BTBD9: variants seen among roughly 807,000 people sequenced by gnomAD.
The protein encoded by BTBD9 is BTB domain containing 9.
A neutral mutation model predicts 64.3 loss-of-function variants in BTBD9; 49 were observed. The observed-to-expected ratio is 0.76, with a 90% confidence interval of 0.61 to 0.97. The LOEUF (loss-of-function observed/expected upper bound fraction) is 0.97, where lower values mean the gene tolerates loss of function less well. Among genes scored for constraint, BTBD9 ranks in the 50% least tolerant of loss-of-function variants. The pLI is 0.00. For missense variants in BTBD9, 598 were observed against 762.1 expected (o/e 0.78, Z 2.53); for synonymous variants, 260 against 274.7 (o/e 0.95, Z 0.53).
rs57568036 is a variant in BTBD9 at position 38,374,283 on chromosome 6, G to GTA, written c.1155-29192_1155-29191dup. Among the ~76,000 whole-genome samples, 228 of 45,420 alleles carry GTA rather than the reference G, an allele frequency of 5.0e-3. 23 individuals carry two copies. The East Asian group carries it at 0.08, about 16-fold the overall frequency. The allele number at this position is 45,420 out of a possible 152,430, so 29.8% of individuals were successfully genotyped here. The stretch of plus-strand genomic sequence containing the variant: ...GGCCTTGTGTCGAAAAAAAAAAAAA[G>GTA]TATATATATATATGTATATATATGT... On this transcript the variant is annotated intron_variant, in intron 6 of 10. Transcript: ENST00000481247.
At chr6:38,273,993 A>T (rs1191049172) in intron 8 of BTBD9, among the ~76,000 whole-genome samples, 1 of 152,348 alleles carries the variant, frequency 6.6e-6, no homozygotes, top group East Asian at 1.9e-4. Context: ...TGCTGCAAAC[A>T]GACTAATCTG....
intron 6 of BTBD9, among the ~76,000 whole-genome samples, chr6:38,549,302 A>T (rs1048644181): frequency 6.6e-6 from 1 of 152,206 alleles, no homozygotes; most frequent in African/African-American, 2.4e-5. Flanking sequence ...TAGATAATGG[A>T]TATAAAACAC....
chr6:38,618,568 G>T (rs1194270201), intron 1 of BTBD9, among the ~76,000 whole-genome samples: 1 of 151,948 alleles, frequency 6.6e-6, no homozygotes, highest in Non-Finnish European at 1.5e-5. Context: ...AATCATCAAG[G>T]GACCACAAAA....
chr6:38,184,749 C>T lies in BTBD9; in HGVS notation c.1641+7770G>A, dbSNP rs532189616. Among the ~76,000 whole-genome samples the T allele has an allele frequency of 1.3e-5, 2 of 152,246 alleles. No individual in the cohort carries two copies. Among genetic ancestry groups the T allele is most frequent in the Non-Finnish European group, 2.9e-5 (2 of 68,014 alleles). ...ACCTCGGAAATAATTATCACCATGC[C>T]AGGAAGGAGCACTTGTTTCATTTTT... On this transcript the variant is annotated intron_variant, in intron 10 of 10. Transcript: ENST00000481247. This position sits in a 1 kb window ranked among gnomAD's most constrained non-coding sequence, Gnocchi z 4.4.
At chr6:38,376,065 CA>C (rs1346957089) in intron 6 of BTBD9, among the ~76,000 whole-genome samples, 1 of 152,050 alleles carries the variant, frequency 6.6e-6, no homozygotes, top group Non-Finnish European at 1.5e-5. Flanking sequence ...AATTTAGGAG[CA>C]AAAAGCTAAC....
intron 9 of BTBD9, among the ~76,000 whole-genome samples, chr6:38,238,637 T>A (rs1004079612): frequency 2.0e-5 from 3 of 152,014 alleles, no homozygotes; most frequent in Non-Finnish European, 4.4e-5. Context: ...CACGCCCAGC[T>A]AATTTTTTTG....
chr6:38,423,268 C>A (rs903611234), intron 6 of BTBD9, among the ~76,000 whole-genome samples: 1 of 151,816 alleles, frequency 6.6e-6, no homozygotes, highest in Non-Finnish European at 1.5e-5. Context: ...CTGTCCCCCC[C>A]AAAAAATACA....
rs146984710 is a variant in BTBD9 at position 38,422,369 on chromosome 6, C to A, written c.1155-77276G>T. Among the ~76,000 whole-genome samples, 455 of 152,240 alleles carry A rather than the reference C, an allele frequency of 3.0e-3. 1 individual carries two copies. Among genetic ancestry groups the A allele is most frequent in the African/African-American group, 0.01 (426 of 41,550 alleles). On this transcript the variant is annotated intron_variant, in intron 6 of 10. Transcript: ENST00000481247. The stretch of plus-strand genomic sequence containing the variant: ...TTCTTTTCCTTCATAGGTAACTTGG[C>A]TACTTTTAATCTTTATACTTTATAC...
intron 6 of BTBD9, among the ~76,000 whole-genome samples, chr6:38,403,921 T>C (rs1047924205): frequency 7.9e-5 from 12 of 152,220 alleles, no homozygotes; most frequent in Admixed American, 2.6e-4. Flanking sequence ...AGTACTGATA[T>C]ATGCTATAAC....
intron 4 of BTBD9, among the ~76,000 whole-genome samples, chr6:38,590,389 T>C (rs572446814): frequency 1.3e-5 from 2 of 152,318 alleles, no homozygotes; most frequent in East Asian, 1.9e-4. Context: ...TAATACCAGA[T>C]TGTACAACTA....
chr6:38,624,849 A>AC (rs1487061602), intron 1 of BTBD9, among the ~76,000 whole-genome samples: 1 of 152,332 alleles, frequency 6.6e-6, no homozygotes, highest in Non-Finnish European at 1.5e-5. Flanking sequence ...GAATTAGTGT[A>AC]CCTAGAATAC....
At chr6:38,211,037 G>C (rs1762815302) in intron 9 of BTBD9, among the ~76,000 whole-genome samples, 1 of 152,204 alleles carries the variant, frequency 6.6e-6, no homozygotes, top group African/African-American at 2.4e-5. Context: ...GGTTTTCCTA[G>C]AGAAGCTGGC....
At chr6:38,355,732 C>T (rs1764703092) in intron 6 of BTBD9, among the ~76,000 whole-genome samples, 1 of 152,168 alleles carries the variant, frequency 6.6e-6, no homozygotes, top group Admixed American at 6.5e-5. Flanking sequence ...AGCTATCATC[C>T]TGGGATCAAC....
chr6:38,560,374 A>G (rs1775213113), intron 6 of BTBD9, among the ~76,000 whole-genome samples: 1 of 152,322 alleles, frequency 6.6e-6, no homozygotes, highest in South Asian at 2.1e-4. Context: ...ACCATCTCAC[A>G]TTAATCATAA....
chr6:38,228,900 A>C (rs979708704), intron 9 of BTBD9, among the ~76,000 whole-genome samples: 4 of 149,240 alleles, frequency 2.7e-5, no homozygotes, highest in African/African-American at 7.4e-5. Flanking sequence ...ACAAAAACAA[A>C]ACAAAAACAG....
intron 6 of BTBD9, among the ~76,000 whole-genome samples, chr6:38,388,287 C>T (rs909598756): frequency 6.6e-6 from 1 of 151,986 alleles, no homozygotes; most frequent in African/African-American, 2.4e-5. Flanking sequence ...TGGCTGGAGC[C>T]AGACCATGTT....
intron 7 of BTBD9, among the ~76,000 whole-genome samples, chr6:38,321,702 T>C (rs1051057224): frequency 6.6e-6 from 1 of 152,186 alleles, no homozygotes; most frequent in Admixed American, 6.5e-5. Context: ...TTACTTTTCA[T>C]ACCACCATGA....
At chr6:38,227,473 C>A (rs1357116538) in intron 9 of BTBD9, among the ~76,000 whole-genome samples, 1 of 152,182 alleles carries the variant, frequency 6.6e-6, no homozygotes, top group East Asian at 1.9e-4. Context: ...TGCTACAGAG[C>A]CCCAGACAAA....
At chr6:38,284,693 A>T (rs941660268) in intron 8 of BTBD9, among the ~76,000 whole-genome samples, 4 of 152,222 alleles carry the variant, frequency 2.6e-5, no homozygotes, top group African/African-American at 9.6e-5. Flanking sequence ...AACATTTATA[A>T]TACAAATGCT....
Sources: allele counts gnomAD v4.1 joint callset (sites outside exome capture counted in the v4.1 genomes callset), GRCh38; gene constraint gnomAD v4.1.1; non-coding constraint Gnocchi (gnomAD v3.1); transcripts MANE v1.5; gene names NCBI Gene and HGNC (gene_info 2026-07-23, HGNC 2026-07-21).